The following KIF13B variants were observed in gnomAD, a reference collection of about 807,000 sequenced individuals.
KIF13B encodes kinesin family member 13B, also known as kinesin-like protein KIF13B.
A neutral mutation model predicts 222.0 loss-of-function variants in KIF13B; 127 were observed. The observed-to-expected ratio is 0.57, with a 90% CI of 0.50 to 0.66. KIF13B has a LOEUF of 0.66. KIF13B is among the 30% of genes least tolerant of loss of function. The pLI is 0.00. For missense variants in KIF13B, 2,173 were observed against 2,379.0 expected (o/e 0.91, Z 1.80); for synonymous variants, 976 against 919.0 (o/e 1.06, Z -1.12).
At position 29,085,702 on chromosome 8, in the gene KIF13B, CTTCTT is replaced by C. The variant is rs1348925658; in HGVS notation, c.4458+7038_4458+7042del. ...CCTGTTTTTAAGTAACAGAAATACT[CTTCTT>C]TTTTTTTTTTTTTTTTTTTTTTTTT... is the stretch of plus-strand genomic sequence containing the variant. On this transcript the variant is annotated intron_variant, in intron 37 of 39. Coordinates refer to ENST00000524189, the MANE Select transcript of KIF13B (RefSeq NM_015254.4). Among the ~76,000 whole-genome samples the C allele has an allele frequency of 2.2e-3, 189 of 85,952 alleles. 2 individuals carry two copies. Among genetic ancestry groups the C allele is most frequent in the South Asian group, 0.021 (56 of 2,686 alleles). The allele number at this position is 85,952 out of a possible 152,430, so 56.4% of individuals were successfully genotyped here.
chr8:29,168,647 G>A (rs1451280312), intron 10 of KIF13B, among the ~76,000 whole-genome samples: 1 of 152,224 alleles, frequency 6.6e-6, no homozygotes, highest in Non-Finnish European at 1.5e-5. Flanking sequence ...GAGTTTGGAA[G>A]CAGATCTTCT....
At position 29,118,950 on chromosome 8, in the gene KIF13B, G is replaced by C. The variant is rs1809730849; in HGVS notation, c.3578C>G (p.Ala1193Gly). The change falls in exon 30 of 40, where the codon GCT (alanine) becomes GGT (glycine). Residue 1193 changes from alanine (A) to glycine (G), a missense_variant. Coordinates refer to ENST00000524189, the MANE Select transcript of KIF13B (RefSeq NM_015254.4). ...AGTCAAGGTCGCATCCCATCCACCA[G>C]CTTCTGGGTCATCAAGATTATCCTG... ...SSQDNLDDPE[A>G]GGWDATLTGE... 6.2e-7 allele frequency: 1 copy of C among 1,613,792 alleles called. No homozygotes were observed. Among genetic ancestry groups the C allele is most frequent in the Non-Finnish European group, 8.5e-7 (1 of 1,179,752 alleles).
chr8:29,216,813 T>C lies in KIF13B; in HGVS notation c.150-20614A>G, dbSNP rs116600400. On this transcript the variant is annotated intron_variant, in intron 2 of 39. Transcript: ENST00000524189. ...AAGTGGGCAGCCTGAGACTGGGCTATGACCTAGGGAAACCTATGTGACTAA... is the reference window on the plus strand; with the variant it reads ...AAGTGGGCAGCCTGAGACTGGGCTACGACCTAGGGAAACCTATGTGACTAA... Among the ~76,000 whole-genome samples, 483 of 152,310 alleles carry C rather than the reference T, an allele frequency of 3.2e-3. 3 individuals are homozygous for C. The highest frequency in any genetic ancestry group is 0.011 in the African/African-American group (458 of 41,560).
At chr8:29,112,385 A>G (rs1809398088) in intron 32 of KIF13B, among the ~76,000 whole-genome samples, 1 of 149,058 alleles carries the variant, frequency 6.7e-6, no homozygotes, top group Non-Finnish European at 1.5e-5. Flanking sequence ...GTGAGCCAAG[A>G]TCACACCACT....
intron 1 of KIF13B, among the ~76,000 whole-genome samples, chr8:29,251,519 C>G (rs2130677489): frequency 6.6e-6 from 1 of 151,968 alleles, no homozygotes. Context: ...AAGCAAGTCA[C>G]AAAAGGTCTA....
chr8:29,232,891 T>C (rs545512614), intron 2 of KIF13B, among the ~76,000 whole-genome samples: 2 of 152,124 alleles, frequency 1.3e-5, no homozygotes, highest in Non-Finnish European at 2.9e-5. Context: ...GGGTGGTGGC[T>C]CACGCCTGTA....
intron 2 of KIF13B, among the ~76,000 whole-genome samples, chr8:29,228,542 C>CTA (rs1453582981): frequency 2.0e-5 from 3 of 148,996 alleles, no homozygotes; most frequent in African/African-American, 7.4e-5. Context: ...ACTAACAAAC[C>CTA]TAGCATCCTG....
At chr8:29,247,629 G>A (rs1273952016) in intron 1 of KIF13B, among the ~76,000 whole-genome samples, 1 of 151,746 alleles carries the variant, frequency 6.6e-6, no homozygotes, top group Non-Finnish European at 1.5e-5. Context: ...AGGAGTTTGA[G>A]ACCAGCCTGG....
chr8:29,147,591 A>T lies in KIF13B; in HGVS notation c.1825T>A (p.Ser609Thr). 1 of 1,610,570 alleles carries T rather than the reference A, an allele frequency of 6.2e-7. No homozygotes were observed. The highest frequency in any genetic ancestry group is 1.3e-5 in the African/African-American group (1 of 74,978). ...KALGSNDPMQSILNSLEQQHE... is the reference protein window; with the variant it reads ...KALGSNDPMQTILNSLEQQHE... ...TGTTGTTCTAAGCTGTTTAATATGGACTGCATCGGATCTAAACACATTTTT... is the reference window on the plus strand; with the variant it reads ...TGTTGTTCTAAGCTGTTTAATATGGTCTGCATCGGATCTAAACACATTTTT... Residue 609 changes from serine (S) to threonine (T), a missense_variant, in exon 17 of 40, where the codon TCC becomes ACC. By Grantham distance (58) the Ser-to-Thr change is moderately conservative. Around this residue, in one of 2 missense-constraint regions of KIF13B, gnomAD observed 1,480 missense variants for 1,722.8 expected, o/e 0.86. Transcript: ENST00000524189.
chr8:29,228,466 T>TAA lies in KIF13B; in HGVS notation c.149+16878_149+16879dup, dbSNP rs71551621. On this transcript the variant is annotated intron_variant, in intron 2 of 39. Transcript: ENST00000524189. The stretch of plus-strand genomic sequence containing the variant: ...TGGGTGACAGAGCCAGACTCCATCT[T>TAA]AAAAAAATATATATATATATATATG... 5.6e-4 allele frequency among the ~76,000 whole-genome samples: 38 copies of TAA among 68,264 alleles called. 2 individuals carry two copies. Among genetic ancestry groups the TAA allele is most frequent in the Non-Finnish European group, 8.8e-4 (27 of 30,710 alleles). The allele number at this position is 68,264 out of a possible 152,430, so 44.8% of individuals were successfully genotyped here. A position where few individuals can be genotyped will look rare whatever the true frequency, so the allele number is the denominator to read the frequency against.
intron 2 of KIF13B, among the ~76,000 whole-genome samples, chr8:29,207,420 T>G (rs1037851872): frequency 6.6e-6 from 1 of 152,220 alleles, no homozygotes; most frequent in African/African-American, 2.4e-5. Flanking sequence ...TCTCTGTGAC[T>G]GCGAGCTCCC....
Position 29,263,049 on chromosome 8 carries a change from G to A in KIF13B, c.-15C>T, listed in dbSNP as rs1816747820. 6.3e-7 allele frequency: 1 copy of A among 1,588,880 alleles called. No homozygotes were observed. The highest frequency in any genetic ancestry group is 1.2e-5 in the South Asian group (1 of 86,704). ...GAGTCCCCCATCCTGCAGCCGCCGAGGAACTCGTTCGGCTTCCGTCTGCCG... is the reference window on the plus strand; with the variant it reads ...GAGTCCCCCATCCTGCAGCCGCCGAAGAACTCGTTCGGCTTCCGTCTGCCG... On this transcript the variant is annotated 5_prime_UTR_variant, in exon 1 of 40. Transcript: ENST00000524189.
chr8:29,179,973 T>C, intron 8 of KIF13B, 131 bp downstream of exon 8: 1 of 995,594 alleles, frequency 1.0e-6, no homozygotes, highest in Non-Finnish European at 1.5e-6. Flanking sequence ...AGCTTCTGTT[T>C]CTCGTCCAGA....
intron 37 of KIF13B, among the ~76,000 whole-genome samples, chr8:29,084,236 G>C (rs567672770): frequency 6.4e-4 from 97 of 152,212 alleles, no homozygotes; most frequent in Middle Eastern, 3.4e-3. Flanking sequence ...CTTTTAGTTA[G>C]GATGTTGAAC....
chr8:29,168,526 A>G (rs1370606145), intron 10 of KIF13B, among the ~76,000 whole-genome samples: 1 of 152,202 alleles, frequency 6.6e-6, no homozygotes, highest in African/African-American at 2.4e-5. Flanking sequence ...GTCACCTCTA[A>G]GGGTAGATTC....
At chr8:29,124,171 C>G in intron 26 of KIF13B, 48 bp from the exon 27 acceptor site, 2 of 1,069,890 alleles carry the variant, frequency 1.9e-6, no homozygotes, top group South Asian at 1.3e-5. Context: ...TCAAGATAAT[C>G]TATCTGAAAC....
chr8:29,244,261 C>T (rs1453443634), intron 2 of KIF13B, among the ~76,000 whole-genome samples: 1 of 152,228 alleles, frequency 6.6e-6, no homozygotes, highest in Non-Finnish European at 1.5e-5. Flanking sequence ...GATCTGCCCA[C>T]CTTGGCCTCC....
At chr8:29,092,987 G>A (rs1808371045) in intron 36 of KIF13B, 109 bp from the exon 37 acceptor site, 6 of 990,518 alleles carry the variant, frequency 6.1e-6, no homozygotes, top group East Asian at 2.9e-5. Flanking sequence ...AAAAACCAAA[G>A]GTATCCTTAA....
intron 6 of KIF13B, among the ~76,000 whole-genome samples, chr8:29,184,142 T>G (rs1322108728): frequency 6.6e-6 from 1 of 152,146 alleles, no homozygotes; most frequent in Non-Finnish European, 1.5e-5. Context: ...ATTTCCTTTT[T>G]CTTAATGTAT....
Sources: allele counts gnomAD v4.1 joint callset (sites outside exome capture counted in the v4.1 genomes callset), GRCh38; gene constraint gnomAD v4.1.1; regional missense constraint gnomAD v4.1.1; transcripts MANE v1.5; gene names NCBI Gene and HGNC (gene_info 2026-07-23, HGNC 2026-07-21).